NALF1: variants seen among roughly 807,000 people sequenced by gnomAD.
The protein encoded by NALF1 is NALCN channel auxiliary factor 1.
A neutral mutation model predicts 48.4 loss-of-function variants in NALF1; 3 were observed. That is an observed-to-expected ratio of 0.06 (90% CI 0.03 to 0.16). NALF1 has a LOEUF of 0.16. NALF1 is among the 10% of genes least tolerant of loss of function. The pLI, the probability that NALF1 is intolerant of heterozygous loss-of-function variation, is 1.00. For missense variants in NALF1, 526 were observed against 571.5 expected, an observed-to-expected ratio of 0.92 and a Z score of 0.81; for synonymous variants, 262 against 245.7, an observed-to-expected ratio of 1.07 and a Z score of -0.62.
chr13:107,239,446 C>T (rs1363011730), intron 1 of NALF1, among the ~76,000 whole-genome samples: 2 of 152,150 alleles, frequency 1.3e-5, no homozygotes, highest in Non-Finnish European at 2.9e-5. Context: ...TCTATAAGGA[C>T]ACCAGTCATA....
At chr13:107,590,352 C>A (rs765584170) in intron 1 of NALF1, among the ~76,000 whole-genome samples, 3 of 151,950 alleles carry the variant, frequency 2.0e-5, no homozygotes, top group Non-Finnish European at 4.4e-5. Context: ...ATGCAATTTA[C>A]GACCTTCAGG....
chr13:107,505,034 C>T (rs971005674), intron 1 of NALF1, among the ~76,000 whole-genome samples: 1 of 152,170 alleles, frequency 6.6e-6, no homozygotes, highest in African/African-American at 2.4e-5. Context: ...CATGTATTTG[C>T]TGTAATTGCA....
chr13:107,205,048 A>C (rs1236734399), intron 2 of NALF1, among the ~76,000 whole-genome samples: 2 of 151,068 alleles, frequency 1.3e-5, no homozygotes, highest in African/African-American at 4.9e-5. Flanking sequence ...GTACATGTGC[A>C]CATTGTGCAG....
intron 1 of NALF1, among the ~76,000 whole-genome samples, chr13:107,319,574 T>G (rs1439211950): frequency 6.6e-6 from 1 of 152,088 alleles, no homozygotes; most frequent in South Asian, 2.1e-4. Context: ...TAGAGGTTCA[T>G]AAATATAAAA....
chr13:107,395,364 C>A (rs1266346103), intron 1 of NALF1, among the ~76,000 whole-genome samples: 1 of 152,126 alleles, frequency 6.6e-6, no homozygotes, highest in East Asian at 1.9e-4. Context: ...ACACTAAAGG[C>A]AGTAATGGCC....
intron 1 of NALF1, among the ~76,000 whole-genome samples, chr13:107,534,875 T>C (rs891059370): frequency 2.6e-5 from 4 of 152,144 alleles, no homozygotes; most frequent in Admixed American, 6.6e-5. Flanking sequence ...GAAGCATTTT[T>C]TTCTTCTGAC....
At chr13:107,406,124 C>T (rs933530212) in intron 1 of NALF1, among the ~76,000 whole-genome samples, 1 of 152,024 alleles carries the variant, frequency 6.6e-6, no homozygotes, top group African/African-American at 2.4e-5. Context: ...ATACAACAAA[C>T]ACATCTAGGA....
At chr13:107,600,229 T>C (rs560959111) in intron 1 of NALF1, among the ~76,000 whole-genome samples, 37 of 152,316 alleles carry the variant, frequency 2.4e-4, no homozygotes, top group Non-Finnish European at 4.3e-4. Context: ...TAAAATTTCA[T>C]TACGTTTATC....
At chr13:107,745,725 G>A (rs557746890) in intron 1 of NALF1, among the ~76,000 whole-genome samples, 1 of 152,098 alleles carries the variant, frequency 6.6e-6, no homozygotes, top group Non-Finnish European at 1.5e-5. Flanking sequence ...CAAATGTCAT[G>A]TTGAACTGTA....
At chr13:107,791,957 T>C (rs775339740) in intron 1 of NALF1, among the ~76,000 whole-genome samples, 6 of 152,078 alleles carry the variant, frequency 3.9e-5, no homozygotes, top group Non-Finnish European at 7.3e-5. Context: ...CTAAACTCCA[T>C]CTCAAAACAA....
At chr13:107,428,608 A>G (rs1884322079) in intron 1 of NALF1, among the ~76,000 whole-genome samples, 1 of 152,220 alleles carries the variant, frequency 6.6e-6, no homozygotes, top group Admixed American at 6.5e-5. Flanking sequence ...AGGAAATGTT[A>G]GGATGGAGAG....
intron 1 of NALF1, among the ~76,000 whole-genome samples, chr13:107,446,485 T>A (rs1884653441): frequency 6.6e-6 from 1 of 152,070 alleles, no homozygotes; most frequent in African/African-American, 2.4e-5. Context: ...TGCTCGTTAC[T>A]TTCTAGAATT....
chr13:107,313,736 C>G (rs1285154728), intron 1 of NALF1, among the ~76,000 whole-genome samples: 1 of 152,136 alleles, frequency 6.6e-6, no homozygotes, highest in African/African-American at 2.4e-5. Context: ...CCTCCTCGCA[C>G]TCGTAAATTG....
At chr13:107,250,086 C>G (rs1034981499) in intron 1 of NALF1, among the ~76,000 whole-genome samples, 8 of 143,286 alleles carry the variant, frequency 5.6e-5, no homozygotes, top group Non-Finnish European at 9.2e-5. Context: ...GGTTGAGCCA[C>G]TGGTGTTTTT....
chr13:107,181,531 A>G lies in NALF1; in HGVS notation c.1088-10745T>C, dbSNP rs187770021. Among the ~76,000 whole-genome samples the G allele has an allele frequency of 4.7e-4, 59 of 126,306 alleles. No homozygotes were observed. The East Asian group carries it at 5.9e-3, about 13-fold the overall frequency. 82.9% of individuals were successfully genotyped at this position (126,306 alleles called of 152,430 possible). On this transcript the variant is annotated intron_variant, in intron 2 of 2. Transcript: ENST00000375915. ...ATTTTATAGAGTACTTTTATAACTT[A>G]TTTTTCATTATATTAAGTTCAACAA... is the stretch of plus-strand genomic sequence containing the variant.
At chr13:107,292,992 C>CTT (rs55786928) in intron 1 of NALF1, among the ~76,000 whole-genome samples, 1 of 110,634 alleles carries the variant, frequency 9.0e-6, no homozygotes, top group East Asian at 2.8e-4. Flanking sequence ...TTTTCTTTTT[C>CTT]TTTTTTTTTT....
chr13:107,772,663 G>A (rs1275813459), intron 1 of NALF1, among the ~76,000 whole-genome samples: 11 of 152,234 alleles, frequency 7.2e-5, no homozygotes, highest in Admixed American at 2.0e-4. Flanking sequence ...CATGTTCAAC[G>A]AGAAAAGAAA....
At chr13:107,393,119 C>A (rs1354894359) in intron 1 of NALF1, among the ~76,000 whole-genome samples, 1 of 151,952 alleles carries the variant, frequency 6.6e-6, no homozygotes, top group Admixed American at 6.6e-5. Context: ...AAAATAAGCA[C>A]GAAGTAAAAT....
chr13:107,379,516 G>C (rs902729805), intron 1 of NALF1, among the ~76,000 whole-genome samples: 1 of 152,106 alleles, frequency 6.6e-6, no homozygotes, highest in Admixed American at 6.6e-5. Flanking sequence ...ATGCAAGTTG[G>C]GGCAACGTCA....
Sources: allele counts gnomAD v4.1 joint callset (sites outside exome capture counted in the v4.1 genomes callset), GRCh38; gene constraint gnomAD v4.1.1; transcripts MANE v1.5; gene names NCBI Gene and HGNC (gene_info 2026-07-23, HGNC 2026-07-21).